The following CLVS2 variants were observed in gnomAD, a reference collection of about 807,000 sequenced individuals.
CLVS2 encodes the protein clavesin 2.
Under a neutral mutation model 29.0 loss-of-function variants are expected in CLVS2, and 19 were observed. The ratio of observed to expected loss-of-function variants is 0.66; its 90% CI spans 0.46 to 0.96. The LOEUF (loss-of-function observed/expected upper bound fraction) is 0.96, where lower values mean the gene tolerates loss of function less well. CLVS2 is among the 40% of genes least tolerant of loss of function. CLVS2 has a pLI of 0.00. For missense variants in CLVS2, 294 were observed against 404.1 expected (o/e 0.73, Z 2.34); for synonymous variants, 161 against 151.3 (o/e 1.06, Z -0.47).
intron 3 of CLVS2, among the ~76,000 whole-genome samples, chr6:123,011,636 A>C (rs1326663980): frequency 6.6e-6 from 1 of 151,904 alleles, no homozygotes; most frequent in Non-Finnish European, 1.5e-5. Flanking sequence ...TTTTCTTTAG[A>C]CTTCATTGGG....
chr6:123,008,271 G>C (rs1385483089), intron 2 of CLVS2, among the ~76,000 whole-genome samples: 2 of 152,072 alleles, frequency 1.3e-5, no homozygotes, highest in South Asian at 2.1e-4. Flanking sequence ...ATTCAAAAAA[G>C]GTGGTTAGAC....
chr6:123,063,419 G>T (rs1772807560), intron 5 of CLVS2, among the ~76,000 whole-genome samples: 1 of 152,018 alleles, frequency 6.6e-6, no homozygotes, highest in African/African-American at 2.4e-5. Flanking sequence ...TCTTAAGCCT[G>T]GTATTGTCTA....
At chr6:122,999,640 T>C (rs762494396) in intron 2 of CLVS2, among the ~76,000 whole-genome samples, 4 of 152,178 alleles carry the variant, frequency 2.6e-5, no homozygotes, top group Non-Finnish European at 4.4e-5. Context: ...ATCATGCAAA[T>C]CAATGACTGT....
intron 3 of CLVS2, among the ~76,000 whole-genome samples, chr6:123,032,985 A>C (rs1318062396): frequency 6.6e-6 from 1 of 152,002 alleles, no homozygotes; most frequent in African/African-American, 2.4e-5. Flanking sequence ...TTTTTGAATT[A>C]GTCATTTCTT....
At chr6:123,021,041 T>A (rs1301886630) in intron 3 of CLVS2, among the ~76,000 whole-genome samples, 5 of 128,302 alleles carry the variant, frequency 3.9e-5, no homozygotes, top group Non-Finnish European at 8.6e-5. Flanking sequence ...TTCACTTATC[T>A]GAAAGAGTAT....
At chr6:123,032,508 C>T (rs1775096680) in intron 3 of CLVS2, among the ~76,000 whole-genome samples, 1 of 152,000 alleles carries the variant, frequency 6.6e-6, no homozygotes, top group Admixed American at 6.6e-5. Flanking sequence ...CTTACACTTA[C>T]TAGGGGAGTG....
chr6:123,047,250 T>C lies in CLVS2; in HGVS notation c.565-1372T>C, dbSNP rs147798969. On this transcript the variant is annotated intron_variant, in intron 3 of 5. Transcript: ENST00000275162. The stretch of plus-strand genomic sequence containing the variant: ...TTCTCTTATTTAGGTATATACTATC[T>C]TCTTTTTATTTATACATATTTCATA... Among the ~76,000 whole-genome samples, 383 of 152,186 alleles carry C rather than the reference T, an allele frequency of 2.5e-3. 1 individual carries two copies. The highest frequency in any genetic ancestry group is 8.8e-3 in the African/African-American group (364 of 41,546).
intron 5 of CLVS2, among the ~76,000 whole-genome samples, chr6:123,060,531 C>G (rs1012400604): frequency 6.6e-6 from 1 of 152,224 alleles, no homozygotes; most frequent in African/African-American, 2.4e-5. Flanking sequence ...CTTCTTGAAG[C>G]AAGTAATAAA....
At chr6:123,012,878 C>T (rs770865508) in intron 3 of CLVS2, among the ~76,000 whole-genome samples, 30 of 152,022 alleles carry the variant, frequency 2.0e-4, no homozygotes, top group Non-Finnish European at 2.9e-4. Context: ...CCAATTAAGA[C>T]GCCACTTAAG....
At chr6:123,033,617 A>G (rs1205413542) in intron 3 of CLVS2, among the ~76,000 whole-genome samples, 1 of 152,070 alleles carries the variant, frequency 6.6e-6, no homozygotes, top group African/African-American at 2.4e-5. Context: ...AACTTTTAGA[A>G]AAAAATAGGC....
intron 3 of CLVS2, among the ~76,000 whole-genome samples, chr6:123,013,915 G>GT (rs1171600209): frequency 2.0e-5 from 3 of 151,844 alleles, no homozygotes; most frequent in African/African-American, 4.8e-5. Context: ...GCAATGTTTG[G>GT]TTTTTTATCC....
rs114823481 is a variant in CLVS2 at position 123,018,118 on chromosome 6, T to C, written c.564+6959T>C. Among the ~76,000 whole-genome samples the C allele has an allele frequency of 1.5e-3, 221 of 152,144 alleles. 1 individual carries two copies. Among genetic ancestry groups the C allele is most frequent in the African/African-American group, 4.7e-3 (195 of 41,538 alleles). The stretch of plus-strand genomic sequence containing the variant: ...AGTCATTGAGCTAATGACAAATGGA[T>C]AAAAAGTAATTATCTATAATGAAAA... On this transcript the variant is annotated intron_variant, in intron 3 of 5. Transcript: ENST00000275162.
intron 5 of CLVS2, among the ~76,000 whole-genome samples, chr6:123,062,412 T>C (rs1772791793): frequency 6.6e-6 from 1 of 152,080 alleles, no homozygotes; most frequent in Admixed American, 6.6e-5. Context: ...TATATTCATA[T>C]CTTATCCTAT....
chr6:123,007,713 G>T (rs960172039), intron 2 of CLVS2, among the ~76,000 whole-genome samples: 1 of 152,054 alleles, frequency 6.6e-6, no homozygotes, highest in African/African-American at 2.4e-5. Context: ...TCTTCTTACT[G>T]CATGCTACAC....
intron 3 of CLVS2, among the ~76,000 whole-genome samples, chr6:123,024,167 T>A (rs566529431): frequency 2.6e-5 from 4 of 152,300 alleles, no homozygotes; most frequent in African/African-American, 9.6e-5. Context: ...ATGTTCTTTT[T>A]AAAAAACCAT....
intron 2 of CLVS2, among the ~76,000 whole-genome samples, chr6:123,009,590 A>T (rs1774719991): frequency 6.6e-6 from 1 of 151,984 alleles, no homozygotes; most frequent in Admixed American, 6.6e-5. Context: ...CATTTCCACT[A>T]AATGGGAATG....
intron 2 of CLVS2, among the ~76,000 whole-genome samples, chr6:123,001,054 C>T (rs985360406): frequency 1.1e-4 from 17 of 152,202 alleles, no homozygotes; most frequent in South Asian, 2.1e-4. Flanking sequence ...ATATTTAGTA[C>T]GGCACTTGAA....
At chr6:123,004,009 T>A (rs1013834948) in intron 2 of CLVS2, among the ~76,000 whole-genome samples, 1 of 152,110 alleles carries the variant, frequency 6.6e-6, no homozygotes, top group Non-Finnish European at 1.5e-5. Context: ...GAAAGGCAAA[T>A]GTATAAAAAA....
intron 3 of CLVS2, among the ~76,000 whole-genome samples, chr6:123,036,026 C>T (rs754295686): frequency 2.0e-5 from 3 of 152,062 alleles, no homozygotes; most frequent in Non-Finnish European, 2.9e-5. Flanking sequence ...GCATATCTTC[C>T]ACATGCATAT....
Sources: gnomAD v4.1 joint callset for allele counts (sites outside exome capture counted in the v4.1 genomes callset) on GRCh38, gnomAD v4.1.1 for gene constraint, MANE v1.5 for transcripts, NCBI Gene and HGNC (gene_info 2026-07-23, HGNC 2026-07-21) for gene names.